The following REV3L variants were observed in gnomAD, a reference collection of about 807,000 sequenced individuals.
REV3L encodes DNA polymerase zeta catalytic subunit.
REV3L carries 69 observed loss-of-function variants against 299.4 expected under a neutral mutation model. That is an observed-to-expected ratio of 0.23 (90% confidence interval 0.19 to 0.28). REV3L has a LOEUF of 0.28. Among genes scored for constraint, REV3L ranks in the 10% least tolerant of loss-of-function variants. The pLI, the probability that REV3L is intolerant of heterozygous loss-of-function variation, is 1.00. For missense variants in REV3L, 3,128 were observed against 3,693.8 expected, an observed-to-expected ratio of 0.85 and a Z score of 3.97; for synonymous variants, 1,238 against 1,271.4, an observed-to-expected ratio of 0.97 and a Z score of 0.56.
intron 20 of REV3L, among the ~76,000 whole-genome samples, chr6:111,345,691 T>C (rs148746423): frequency 3.6e-4 from 55 of 152,192 alleles, no homozygotes; most frequent in Middle Eastern, 3.4e-3. Context: ...CTGCTCCTTA[T>C]TTAGTTTAAA....
At chr6:111,466,538 C>T (rs1258349964) in intron 1 of REV3L, among the ~76,000 whole-genome samples, 2 of 152,098 alleles carry the variant, frequency 1.3e-5, no homozygotes, top group African/African-American at 4.8e-5. Context: ...ATTACAAACT[C>T]GGAAATGTTA....
intron 1 of REV3L, among the ~76,000 whole-genome samples, chr6:111,439,144 G>A (rs1787942442): frequency 6.6e-6 from 1 of 152,098 alleles, no homozygotes; most frequent in Non-Finnish European, 1.5e-5. Context: ...CTTTTAACAG[G>A]CATTTCTCAC....
intron 1 of REV3L, among the ~76,000 whole-genome samples, chr6:111,478,509 A>C (rs113505792): frequency 2.0e-5 from 3 of 152,284 alleles, no homozygotes; most frequent in South Asian, 2.1e-4. Context: ...ATTTTTAAAT[A>C]GCTTAGTAAA....
chr6:111,424,559 C>T (rs1473132468), intron 1 of REV3L, among the ~76,000 whole-genome samples: 1 of 152,212 alleles, frequency 6.6e-6, no homozygotes, highest in Non-Finnish European at 1.5e-5. Context: ...ATCTCTCCCT[C>T]TGCAGCTTCA....
At chr6:111,391,399 T>C (rs751908890) in intron 5 of REV3L, among the ~76,000 whole-genome samples, 3 of 152,146 alleles carry the variant, frequency 2.0e-5, no homozygotes, top group Non-Finnish European at 4.4e-5. Flanking sequence ...AAGAAAAACA[T>C]GTTAGCAAAA....
chr6:111,319,356 G>A (rs374527553), intron 26 of REV3L, among the ~76,000 whole-genome samples: 21 of 152,074 alleles, frequency 1.4e-4, no homozygotes, highest in African/African-American at 5.1e-4. Flanking sequence ...AGCTACTCAG[G>A]AGGCTGAGGC....
chr6:111,373,088 T>C lies in REV3L; in HGVS notation c.5267A>G (p.Asn1756Ser). 7 of 1,614,148 alleles carry C rather than the reference T, an allele frequency of 4.3e-6. No homozygotes were observed. Among genetic ancestry groups the C allele is most frequent in the Non-Finnish European group, 4.2e-6 (5 of 1,180,014 alleles). ...AACACAGAAAGAATCCATTATTGAG[T>C]TAGACCGAGTTGTTAGAGGATGAAA... ...NSFHPLTTRS[N>S]SIMDSFCVQQ... Residue 1756 changes from asparagine to serine, a missense_variant, in exon 13 of 32, where the codon AAC becomes AGC. Coordinates refer to ENST00000368802, the MANE Select transcript of REV3L (RefSeq NM_001372078.1).
chr6:111,304,723 TGTA>T (rs1285246597), intron 31 of REV3L, among the ~76,000 whole-genome samples: 2 of 151,632 alleles, frequency 1.3e-5, no homozygotes, highest in Non-Finnish European at 2.9e-5. Flanking sequence ...ATGCAGTAAA[TGTA>T]GTATCTGACA....
In REV3L at chr6:111,309,877, G is replaced by A; in HGVS notation, c.9018C>T (p.Phe3006=). 6.2e-7 allele frequency: 1 copy of A among 1,613,984 alleles called. No homozygotes were observed. Among genetic ancestry groups the A allele is most frequent in the Non-Finnish European group, 8.5e-7 (1 of 1,179,926 alleles). Residue 3006 remains phenylalanine, a synonymous_variant, in exon 30 of 32, where the codon TTC becomes TTT. Transcript: ENST00000368802. ...RIFSLIGIDV[F]SWYHELPRIH... The stretch of plus-strand genomic sequence containing the variant: ...CCCTTGGTAATTCATGATACCAGCT[G>A]AAGACATCAATACCAATAAGTGAGA...
chr6:111,335,710 G>T (rs746350295), intron 21 of REV3L, 100 bp from the exon 22 acceptor site: 9 of 1,191,070 alleles, frequency 7.6e-6, no homozygotes, highest in Non-Finnish European at 1.0e-5. Context: ...TAAAAGTGAG[G>T]TTACTTAAGG....
In REV3L at chr6:111,411,536, A is replaced by G; in HGVS notation, c.348T>C (p.His116=). Residue 116 remains histidine, a synonymous_variant, in exon 3 of 32, where the codon CAT becomes CAC. Transcript: ENST00000368802. ...TCTTCATAAAGTGTCTTTCCTTCTC[A>G]TGATAACCATAAAAAGGCCTGAAAT... ...LVSGMPFYGY[H]EKERHFMKIY... is the part of the protein sequence containing the mutation. The G allele has an allele frequency of 6.3e-7, 1 of 1,580,696 alleles. No homozygotes were observed. Among genetic ancestry groups the G allele is most frequent in the Non-Finnish European group, 8.6e-7 (1 of 1,158,008 alleles).
chr6:111,342,326 C>G (rs1172923633), intron 21 of REV3L, among the ~76,000 whole-genome samples: 1 of 152,090 alleles, frequency 6.6e-6, no homozygotes, highest in Non-Finnish European at 1.5e-5. Context: ...AAGCAGAGGT[C>G]TGTTGCCTCT....
chr6:111,407,639 A>G (rs1783785952), intron 3 of REV3L, among the ~76,000 whole-genome samples: 1 of 152,212 alleles, frequency 6.6e-6, no homozygotes, highest in Non-Finnish European at 1.5e-5. Context: ...AGTAAGTTAA[A>G]GAGTGAATGG....
At chr6:111,333,718 C>T (rs1213622338) in intron 22 of REV3L, among the ~76,000 whole-genome samples, 6 of 151,986 alleles carry the variant, frequency 3.9e-5, no homozygotes, top group Non-Finnish European at 2.9e-5. Context: ...TCAGGTGATC[C>T]GCCCACCTCA....
intron 1 of REV3L, among the ~76,000 whole-genome samples, chr6:111,437,446 T>C (rs1787687998): frequency 6.6e-6 from 1 of 151,798 alleles, no homozygotes; most frequent in South Asian, 2.1e-4. Context: ...ATACTATATA[T>C]AAAATTAAAA....
At chr6:111,405,357 C>G in intron 4 of REV3L, 113 bp downstream of exon 4, 1 of 625,306 alleles carries the variant, frequency 1.6e-6, no homozygotes, top group Non-Finnish European at 2.4e-6. Context: ...ATTCTTTAGT[C>G]ACTCAACATT....
chr6:111,434,724 A>G (rs1562307116), intron 1 of REV3L, among the ~76,000 whole-genome samples: 2 of 152,202 alleles, frequency 1.3e-5, no homozygotes, highest in Admixed American at 1.3e-4. Context: ...AATCTGAAAA[A>G]AAAATCAAGA....
chr6:111,315,249 A>G lies in REV3L; in HGVS notation c.8466+18T>C. The G allele has an allele frequency of 1.3e-6, 2 of 1,553,286 alleles. No individual in the cohort carries two copies. The highest frequency in any genetic ancestry group is 2.7e-5 in the African/African-American group (2 of 73,740). On this transcript the variant is annotated intron_variant, in intron 27 of 31. Transcript: ENST00000368802. ...ATATGAATTTTATATGTAATTACTA[A>G]TATTACATTCCTCTTACCTTTTCAA...
Position 111,483,127 on chromosome 6 carries a change from G to C in REV3L, c.-239C>G. 1 of 500,596 alleles carries C rather than the reference G, an allele frequency of 2.0e-6. No homozygotes were observed. 31.0% of individuals were successfully genotyped at this position (500,596 alleles called of 1,614,324 possible). ...GAGAAGCCCTCGAGCTTTCGTCGGT[G>C]CTGGTGCTGCCGCCACTGCCGCCAC... On this transcript the variant is annotated 5_prime_UTR_variant, in exon 1 of 32. Transcript: ENST00000368802.
Sources: allele counts gnomAD v4.1 joint callset (sites outside exome capture counted in the v4.1 genomes callset), GRCh38; gene constraint gnomAD v4.1.1; transcripts MANE v1.5; gene names NCBI Gene and HGNC (gene_info 2026-07-23, HGNC 2026-07-21).